SRRM5: variants seen among roughly 807,000 people sequenced by gnomAD.
SRRM5 encodes serine/arginine repetitive matrix protein 5.
Under a neutral mutation model 1.3 loss-of-function variants are expected in SRRM5, and 1 was observed. That is an observed-to-expected ratio of 0.76 (90% CI 0.27 to 3.59). SRRM5 has a LOEUF of 3.59. Among genes scored for constraint, SRRM5 ranks in the 30% most tolerant of loss-of-function variants. The pLI is 0.19. For missense variants in SRRM5, 875 were observed against 914.5 expected, an observed-to-expected ratio of 0.96 and a Z score of 0.56; for synonymous variants, 275 against 320.2, an observed-to-expected ratio of 0.86 and a Z score of 1.51.
Position 43,614,338 on chromosome 19 carries a change from C to G in SRRM5, c.*69C>G. On this transcript the variant is annotated 3_prime_UTR_variant, in exon 1 of 1. Coordinates refer to ENST00000417606, the MANE Select transcript of SRRM5 (RefSeq NM_001145641.2). ...GAGGGGACAGGAGACAGGAGCAGAG[C>G]AGCAGCTGAGCAGCGTCCCTCCCCG... 6.4e-7 allele frequency: 1 copy of G among 1,569,560 alleles called. No homozygotes were observed. Among genetic ancestry groups the G allele is most frequent in the Non-Finnish European group, 8.6e-7 (1 of 1,159,120 alleles).
Position 43,613,653 on chromosome 19 carries a change from A to T in SRRM5, c.1532A>T (p.Gln511Leu). 5 of 1,548,344 alleles carry T rather than the reference A, an allele frequency of 3.2e-6. No individual in the cohort carries two copies. In the East Asian group the frequency reaches 1.2e-4, roughly 38 times the overall value. Residue 511 changes from glutamine to leucine, a missense_variant, in exon 1 of 1, where the codon CAA becomes CTA. Coordinates refer to ENST00000417606, the MANE Select transcript of SRRM5 (RefSeq NM_001145641.2). Reference sequence around the variant, plus strand: ...CCCAGCAAGGAGAGACAGTGCAGACAATCTAGAAGCTCCAGCAAAGAGAGA... The same window carrying T: ...CCCAGCAAGGAGAGACAGTGCAGACTATCTAGAAGCTCCAGCAAAGAGAGA... ...RSPSKERQCR[Q>L]SRSSSKERDH...
chr19:43,612,711 G>A lies in SRRM5; in HGVS notation c.590G>A (p.Arg197His), dbSNP rs759026088. The A allele has an allele frequency of 1.7e-5, 27 of 1,551,466 alleles. No individual in the cohort carries two copies. Among genetic ancestry groups the A allele is most frequent in the Admixed American group, 2.0e-5 (1 of 50,974 alleles). Residue 197 changes from arginine to histidine, a missense_variant, in exon 1 of 1, where the codon CGC (arginine) becomes CAC (histidine). Arg to His is a conservative substitution (Grantham distance 29, BLOSUM62 0). Coordinates refer to ENST00000417606, the MANE Select transcript of SRRM5 (RefSeq NM_001145641.2). The surrounding 1 kb of genome is among the most constrained non-coding windows in gnomAD (Gnocchi z 4.2). ...AGAAATCTGAGCAAGAAGAGTTACC[G>A]CCCACCAGGAGGCTCAGGTATAGGG... Reference protein sequence around the residue: ...QPRNLSKKSYRPPGGSGIGRS... With the variant: ...QPRNLSKKSYHPPGGSGIGRS...
At position 43,614,328 on chromosome 19, in the gene SRRM5, A is replaced by G; in HGVS notation, c.*59A>G. The G allele has an allele frequency of 6.3e-7, 1 of 1,585,362 alleles. No individual in the cohort carries two copies. The highest frequency in any genetic ancestry group is 1.2e-5 in the South Asian group (1 of 86,082). On this transcript the variant is annotated 3_prime_UTR_variant, in exon 1 of 1. Transcript: ENST00000417606. The stretch of plus-strand genomic sequence containing the variant: ...ATGACCGGGGGAGGGGACAGGAGAC[A>G]GGAGCAGAGCAGCAGCTGAGCAGCG...
Position 43,612,597 on chromosome 19 carries a change from G to A in SRRM5, c.476G>A (p.Arg159Lys). The change falls in exon 1 of 1, where the codon AGA (arginine) becomes AAA (lysine). Residue 159 changes from arginine (R) to lysine (K), a missense_variant. By Grantham distance (26) the Arg-to-Lys change is conservative. Coordinates refer to ENST00000417606, the MANE Select transcript of SRRM5 (RefSeq NM_001145641.2). This position sits in a 1 kb window ranked among gnomAD's most constrained non-coding sequence, Gnocchi z 4.2. Reference sequence around the variant, plus strand: ...AGACCAGGCATGGCCAGCAGGGTGAGAACTCCCACTTCACAGCAAAAAGGG... The same window carrying A: ...AGACCAGGCATGGCCAGCAGGGTGAAAACTCCCACTTCACAGCAAAAAGGG... ...GARPGMASRV[R>K]TPTSQQKGSR... 1.9e-6 allele frequency: 3 copies of A among 1,551,558 alleles called. No homozygotes were observed. Among genetic ancestry groups the A allele is most frequent in the Non-Finnish European group, 2.6e-6 (3 of 1,146,972 alleles).
In SRRM5 at chr19:43,613,512, C is replaced by G; in HGVS notation, c.1391C>G (p.Ser464Cys). ...SPNKARDHSRSRSPNKARDRS... is the reference protein window; with the variant it reads ...SPNKARDHSRCRSPNKARDRS... ...AACAAGGCAAGAGATCATAGCCGATCTAGAAGTCCCAACAAGGCGAGAGAT... is the reference window on the plus strand; with the variant it reads ...AACAAGGCAAGAGATCATAGCCGATGTAGAAGTCCCAACAAGGCGAGAGAT... Residue 464 changes from serine to cysteine, a missense_variant, in exon 1 of 1, where the codon TCT becomes TGT. By Grantham distance (112) the Ser-to-Cys change is moderately radical. Transcript: ENST00000417606. 1 of 1,550,968 alleles carries G rather than the reference C, an allele frequency of 6.4e-7. No individual in the cohort carries two copies.
At position 43,613,037 on chromosome 19, in the gene SRRM5, A is replaced by C. The variant is rs1479192508; in HGVS notation, c.916A>C (p.Ser306Arg). The C allele has an allele frequency of 6.4e-7, 1 of 1,551,670 alleles. No individual in the cohort carries two copies. The highest frequency in any genetic ancestry group is 8.7e-7 in the Non-Finnish European group (1 of 1,146,976). ...KRTHSRVRSHSWKRNHSRARS... is the reference protein window; with the variant it reads ...KRTHSRVRSHRWKRNHSRARS... ...GACGCACAGCAGAGTGAGAAGTCAC[A>C]GTTGGAAGAGAAACCATAGCAGGGC... The change falls in exon 1 of 1, where the codon AGT (serine) becomes CGT (arginine). Residue 306 changes from serine to arginine, a missense_variant. By Grantham distance (110) the Ser-to-Arg change is moderately radical (BLOSUM62 -1). Transcript: ENST00000417606.
rs1973339158 is a variant in SRRM5, at chr19:43,613,799, T to C, written c.1678T>C (p.Ser560Pro). 6.5e-7 allele frequency: 1 copy of C among 1,544,964 alleles called. No homozygotes were observed. The highest frequency in any genetic ancestry group is 8.7e-7 in the Non-Finnish European group (1 of 1,144,464). Residue 560 changes from serine (S) to proline (P), a missense_variant, in exon 1 of 1, where the codon TCC becomes CCC. Ser to Pro is a moderately conservative substitution (Grantham distance 74). Transcript: ENST00000417606. The stretch of plus-strand genomic sequence containing the variant: ...CAGCGAGGAGAGAGAGCACAGACAA[T>C]CCAGAAGCCCCAGCAAAGAGAGAGA... Reference protein sequence around the residue: ...SPSEEREHRQSRSPSKERDRR... With the variant: ...SPSEEREHRQPRSPSKERDRR...
chr19:43,614,498 A>C lies in SRRM5; in HGVS notation c.*229A>C, dbSNP rs1973352690. 5 of 1,391,602 alleles carry C rather than the reference A, an allele frequency of 3.6e-6. No individual in the cohort carries two copies. Among genetic ancestry groups the C allele is most frequent in the Admixed American group, 3.1e-5 (1 of 32,594 alleles). 86.2% of individuals were successfully genotyped at this position (1,391,602 alleles called of 1,614,324 possible). A position where few individuals can be genotyped will look rare whatever the true frequency, so the allele number is the denominator to read the frequency against. Reference sequence around the variant, plus strand: ...AAATTTTTACATAGCACCCATCCCCACCAAGCCCAACTGTGTGCTCACTGC... The same window carrying C: ...AAATTTTTACATAGCACCCATCCCCCCCAAGCCCAACTGTGTGCTCACTGC... On this transcript the variant is annotated 3_prime_UTR_variant, in exon 1 of 1. Transcript: ENST00000417606.
At position 43,612,580 on chromosome 19, in the gene SRRM5, C is replaced by T; in HGVS notation, c.459C>T (p.Gly153=). The T allele has an allele frequency of 1.3e-6, 2 of 1,551,272 alleles. No homozygotes were observed. The highest frequency in any genetic ancestry group is 1.7e-6 in the Non-Finnish European group (2 of 1,146,880). ...GRIRTHGARP[G]MASRVRTPTS... is the part of the protein sequence containing the mutation. ...TAAGAACTCATGGTGCCAGACCAGGCATGGCCAGCAGGGTGAGAACTCCCA... is the reference window on the plus strand; with the variant it reads ...TAAGAACTCATGGTGCCAGACCAGGTATGGCCAGCAGGGTGAGAACTCCCA... Residue 153 remains glycine (G), a synonymous_variant, in exon 1 of 1, where the codon GGC becomes GGT. Transcript: ENST00000417606. The surrounding 1 kb of genome is among the most constrained non-coding windows in gnomAD (Gnocchi z 4.2).
In SRRM5 at chr19:43,612,982, C is replaced by T. The variant is rs1331379594; in HGVS notation, c.861C>T (p.Pro287=). 6.4e-7 allele frequency: 1 copy of T among 1,551,674 alleles called. No individual in the cohort carries two copies. The highest frequency in any genetic ancestry group is 2.0e-5 in the Admixed American group (1 of 50,986). The change falls in exon 1 of 1, where the codon CCC becomes CCT. Residue 287 remains proline, a synonymous_variant. Coordinates refer to ENST00000417606, the MANE Select transcript of SRRM5 (RefSeq NM_001145641.2). This position sits in a 1 kb window ranked among gnomAD's most constrained non-coding sequence, Gnocchi z 4.2. ...RPQSHSQSRS[P]RRSRSGSQKR... ...AAAGTCACAGCCAATCTAGAAGCCC[C>T]AGAAGGTCAAGAAGTGGCAGTCAGA...
Position 43,613,207 on chromosome 19 carries a change from A to G in SRRM5, c.1086A>G (p.Glu362=). 6.4e-7 allele frequency: 1 copy of G among 1,551,594 alleles called. No homozygotes were observed. Among genetic ancestry groups the G allele is most frequent in the South Asian group, 1.2e-5 (1 of 84,060 alleles). The change falls in exon 1 of 1, where the codon GAA becomes GAG. Residue 362 remains glutamate, a synonymous_variant. Coordinates refer to ENST00000417606, the MANE Select transcript of SRRM5 (RefSeq NM_001145641.2). The stretch of plus-strand genomic sequence containing the variant: ...ACTGGTCTAGAAACCCCAGCAAGGA[A>G]AGAAGTCATAGCCATTCCAGAAGCT... The part of the protein sequence containing the change: ...SHNWSRNPSK[E]RSHSHSRSSS...
In SRRM5 at chr19:43,612,391, AC is replaced by A; in HGVS notation, c.273del (p.Ser92AlafsTer3). On this transcript the variant is annotated frameshift_variant, in exon 3 of 3. Coordinates refer to the SRRM5 transcript ENST00000607544. LOFTEE classifies it low-confidence loss of function (END_TRUNC). The surrounding 1 kb of genome is among the most constrained non-coding windows in gnomAD (Gnocchi z 4.2). ...CCCGAGTCCGCAGCAAAGCAAGAAC[AC>A]CCAGCAGGGTGAGCACCGACACCAG... The A allele has an allele frequency of 6.4e-7, 1 of 1,551,658 alleles. No individual in the cohort carries two copies. Among genetic ancestry groups the A allele is most frequent in the Non-Finnish European group, 8.7e-7 (1 of 1,146,986 alleles).
rs764241896 is a variant in SRRM5 at position 43,612,766 on chromosome 19, T to C, written c.645T>C (p.Ser215=). 1.5e-5 allele frequency: 23 copies of C among 1,551,480 alleles called. No individual in the cohort carries two copies. The highest frequency in any genetic ancestry group is 1.9e-5 in the Non-Finnish European group (22 of 1,146,988). ...GRSSELAVTP[S]TAKCQTPTGI... is the part of the protein sequence containing the mutation. ...GTTCCGAGCTGGCTGTAACTCCCAG[T>C]ACAGCCAAGTGTCAAACCCCGACTG... Residue 215 remains serine (S), a synonymous_variant, in exon 1 of 1, where the codon AGT becomes AGC. Coordinates refer to ENST00000417606, the MANE Select transcript of SRRM5 (RefSeq NM_001145641.2). The surrounding 1 kb of genome is among the most constrained non-coding windows in gnomAD (Gnocchi z 4.2).
rs1973352449 is a variant in SRRM5, at chr19:43,614,487, C to T, written c.*218C>T. ...GATGATTCAATAAATTTTTACATAG[C>T]ACCCATCCCCACCAAGCCCAACTGT... On this transcript the variant is annotated 3_prime_UTR_variant, in exon 1 of 1. Transcript: ENST00000417606. The T allele has an allele frequency of 7.1e-7, 1 of 1,414,162 alleles. No homozygotes were observed. The highest frequency in any genetic ancestry group is 9.2e-7 in the Non-Finnish European group (1 of 1,085,712). The allele number at this position is 1,414,162 out of a possible 1,614,324, so 87.6% of individuals were successfully genotyped here.
chr19:43,614,313 GAGGGGAC>G lies in SRRM5; in HGVS notation c.*48_*54del, dbSNP rs1600088622. ...TCACGGGTCTCTGTCATGACCGGGG[GAGGGGAC>G]AGGAGACAGGAGCAGAGCAGCAGCT... On this transcript the variant is annotated 3_prime_UTR_variant, in exon 1 of 1. Transcript: ENST00000417606. 1 of 1,594,634 alleles carries G rather than the reference GAGGGGAC, an allele frequency of 6.3e-7. No individual in the cohort carries two copies. The highest frequency in any genetic ancestry group is 8.5e-7 in the Non-Finnish European group (1 of 1,170,412).
In SRRM5 at chr19:43,612,881, G is replaced by GA. The variant is rs919117973; in HGVS notation, c.764dup (p.Ser256GlufsTer6). Reference sequence around the variant, plus strand: ...CGGTCAGATGATCATCCCCAGTAGGGAAAAGAGTTACAGCCCCACTGAAAT... The same window carrying GA: ...CGGTCAGATGATCATCCCCAGTAGGGAAAAAGAGTTACAGCCCCACTGAAAT... On this transcript the variant is annotated frameshift_variant, in exon 3 of 3. Transcript: ENST00000607544. LOFTEE classifies it low-confidence loss of function (END_TRUNC). The surrounding 1 kb of genome is among the most constrained non-coding windows in gnomAD (Gnocchi z 4.2). 11 of 1,551,686 alleles carry GA rather than the reference G, an allele frequency of 7.1e-6. No individual in the cohort carries two copies. The African/African-American group carries it at 1.4e-4, about 19-fold the overall frequency.
chr19:43,612,550 C>A lies in SRRM5; in HGVS notation c.429C>A (p.Gly143=), dbSNP rs1176376941. The change falls in exon 1 of 1, where the codon GGC becomes GGA. Residue 143 remains glycine (G), a synonymous_variant. Transcript: ENST00000417606. The surrounding 1 kb of genome is among the most constrained non-coding windows in gnomAD (Gnocchi z 4.2). The part of the protein sequence containing the change: ...KRSPSRASTP[G]RIRTHGARPG... ...CACCCAGCAGGGCCAGCACTCCTGG[C>A]AGGATAAGAACTCATGGTGCCAGAC... 6.4e-6 allele frequency: 10 copies of A among 1,551,586 alleles called. No individual in the cohort carries two copies. The highest frequency in any genetic ancestry group is 1.2e-5 in the South Asian group (1 of 84,060).
Position 43,613,076 on chromosome 19 carries a change from C to T in SRRM5, c.955C>T (p.Arg319Trp), listed in dbSNP as rs755894958. The change falls in exon 1 of 1, where the codon CGG (arginine) becomes TGG (tryptophan). Residue 319 changes from arginine to tryptophan, a missense_variant. Physicochemically the swap from Arg to Trp is moderately radical, Grantham distance 101. Coordinates refer to ENST00000417606, the MANE Select transcript of SRRM5 (RefSeq NM_001145641.2). ...CCATAGCAGGGCAAGAAGTCGCACC[C>T]GGAAGGGAATTCTGAGCCAGATGGG... ...RNHSRARSRTRKGILSQMGRH... is the reference protein window; with the variant it reads ...RNHSRARSRTWKGILSQMGRH... 13 of 1,551,322 alleles carry T rather than the reference C, an allele frequency of 8.4e-6. No homozygotes were observed. Among genetic ancestry groups the T allele is most frequent in the South Asian group, 7.1e-5 (6 of 84,044 alleles).
In SRRM5 at chr19:43,614,288, T is replaced by C; in HGVS notation, c.*19T>C. 6.2e-7 allele frequency: 1 copy of C among 1,610,856 alleles called. No homozygotes were observed. Among genetic ancestry groups the C allele is most frequent in the Non-Finnish European group, 8.5e-7 (1 of 1,178,166 alleles). ...GGCGTAGCCCCCAGTCTCAGCTGGC[T>C]CACGGGTCTCTGTCATGACCGGGGG... is the stretch of plus-strand genomic sequence containing the variant. On this transcript the variant is annotated 3_prime_UTR_variant, in exon 1 of 1. Transcript: ENST00000417606.
Sources: allele counts gnomAD v4.1 joint callset, GRCh38; gene constraint gnomAD v4.1.1; non-coding constraint Gnocchi (gnomAD v3.1); transcripts MANE v1.5; gene names NCBI Gene and HGNC (gene_info 2026-07-23, HGNC 2026-07-21).